CSMD1: variants seen among roughly 807,000 people sequenced by gnomAD.
CSMD1 encodes the protein CUB and sushi domain-containing protein 1.
In CSMD1, 213 loss-of-function variants were observed where a neutral mutation model predicts 417.5. The ratio of observed to expected loss-of-function variants is 0.51; its 90% CI spans 0.46 to 0.57. The LOEUF is 0.57. Ranked by LOEUF, CSMD1 falls within the 20% of genes least tolerant of loss-of-function variation. The probability of loss-of-function intolerance (pLI) is 0.00; values close to 1 mark genes in which losing one functional copy is unlikely to be tolerated. For missense variants in CSMD1, 6,923 were observed against 4,529.7 expected (o/e 1.53, Z -15.17); for synonymous variants, 2,862 against 1,736.8 (o/e 1.65, Z -16.11).
intron 5 of CSMD1, among the ~76,000 whole-genome samples, chr8:3,758,743 G>A (rs555417988): frequency 9.9e-5 from 15 of 152,218 alleles, no homozygotes; most frequent in African/African-American, 2.9e-4. Context: ...CCCAAGCCCC[G>A]AGGTCCTGCT....
chr8:3,762,087 G>C (rs2129056258), intron 5 of CSMD1, among the ~76,000 whole-genome samples: 1 of 152,116 alleles, frequency 6.6e-6, no homozygotes, highest in East Asian at 1.9e-4. Flanking sequence ...AGTCTCCTGA[G>C]CCCTCCCACT....
At chr8:4,458,361 T>C (rs1241186970) in intron 2 of CSMD1, among the ~76,000 whole-genome samples, 1 of 152,162 alleles carries the variant, frequency 6.6e-6, no homozygotes, top group East Asian at 1.9e-4. Context: ...ATCATAATAA[T>C]GAAATTAATT....
At chr8:4,823,832 T>C (rs921734960) in intron 1 of CSMD1, among the ~76,000 whole-genome samples, 4 of 151,574 alleles carry the variant, frequency 2.6e-5, no homozygotes, top group South Asian at 2.1e-4. Flanking sequence ...CTCACAGAGG[T>C]TGAAGATAAA....
chr8:4,806,675 A>G (rs1798605762), intron 1 of CSMD1, among the ~76,000 whole-genome samples: 1 of 152,224 alleles, frequency 6.6e-6, no homozygotes, highest in South Asian at 2.1e-4. Context: ...CATTTGAACC[A>G]TGGTCGCAGT....
rs556938780 is a variant in CSMD1, at chr8:3,731,484, C to A, written c.931+22446G>T. ...CCTTCAATTCAATCCGAAACTTGCC[C>A]AGCCACTGTTGGACAATTCATGGAT... is the stretch of plus-strand genomic sequence containing the variant. On this transcript the variant is annotated intron_variant, in intron 6 of 69. Coordinates refer to ENST00000635120, the MANE Select transcript of CSMD1 (RefSeq NM_033225.6). Among the ~76,000 whole-genome samples, 24 of 152,262 alleles carry A rather than the reference C, an allele frequency of 1.6e-4. No homozygotes were observed. The South Asian group carries it at 5.0e-3, about 32-fold the overall frequency.
At chr8:4,883,400 T>C (rs963206244) in intron 1 of CSMD1, among the ~76,000 whole-genome samples, 41 of 152,096 alleles carry the variant, frequency 2.7e-4, no homozygotes, top group African/African-American at 8.9e-4. Flanking sequence ...TTCAGTATAT[T>C]GAAATGCAAG....
At chr8:2,989,895 T>A (rs567551187) in intron 54 of CSMD1, among the ~76,000 whole-genome samples, 3 of 152,326 alleles carry the variant, frequency 2.0e-5, no homozygotes, top group African/African-American at 7.2e-5. Context: ...GTCGTCTGCA[T>A]AGTTATCTAC....
chr8:3,025,056 G>A (rs1450991501), intron 51 of CSMD1, among the ~76,000 whole-genome samples: 1 of 150,614 alleles, frequency 6.6e-6, no homozygotes, highest in Non-Finnish European at 1.5e-5. Flanking sequence ...GTATTGTGTG[G>A]TGTTATTCTA....
At chr8:3,603,992 T>C (rs572466067) in intron 8 of CSMD1, among the ~76,000 whole-genome samples, 1 of 152,238 alleles carries the variant, frequency 6.6e-6, no homozygotes, top group Non-Finnish European at 1.5e-5. Context: ...TTTTGCATAC[T>C]GAATCAATAT....
chr8:4,336,790 C>T (rs1317812240), intron 3 of CSMD1, among the ~76,000 whole-genome samples: 1 of 151,984 alleles, frequency 6.6e-6, no homozygotes, highest in South Asian at 2.1e-4. Flanking sequence ...AGGGAGATGC[C>T]GCCTGGATGA....
intron 1 of CSMD1, among the ~76,000 whole-genome samples, chr8:4,718,776 G>A (rs1439038558): frequency 1.3e-5 from 2 of 151,812 alleles, no homozygotes; most frequent in African/African-American, 4.8e-5. Flanking sequence ...TCTTTTTAAA[G>A]CAATAGAAAC....
intron 69 of CSMD1, among the ~76,000 whole-genome samples, chr8:2,941,212 G>A (rs1463210700): frequency 6.6e-6 from 1 of 152,142 alleles, no homozygotes; most frequent in Non-Finnish European, 1.5e-5. Context: ...ACTAGCCATA[G>A]GGAACTGAAG....
intron 3 of CSMD1, among the ~76,000 whole-genome samples, chr8:4,393,475 G>C (rs1329842681): frequency 2.0e-5 from 3 of 152,152 alleles, no homozygotes; most frequent in Admixed American, 6.5e-5. Flanking sequence ...ATTATGTTGA[G>C]ATGGCAGCAG....
At chr8:4,426,170 A>T (rs560212527) in intron 2 of CSMD1, among the ~76,000 whole-genome samples, 5 of 151,900 alleles carry the variant, frequency 3.3e-5, no homozygotes, top group Non-Finnish European at 7.4e-5. Context: ...GAGGCTAGGT[A>T]ATCAGGAAAT....
chr8:4,833,040 G>A (rs961143163), intron 1 of CSMD1, among the ~76,000 whole-genome samples: 3 of 152,170 alleles, frequency 2.0e-5, no homozygotes, highest in Non-Finnish European at 4.4e-5. Flanking sequence ...GCTTACATTA[G>A]AACATCTTAT....
intron 6 of CSMD1, among the ~76,000 whole-genome samples, chr8:3,732,743 T>G (rs1796332699): frequency 6.6e-6 from 1 of 152,188 alleles, no homozygotes; most frequent in Admixed American, 6.5e-5. Flanking sequence ...GAGTAACACC[T>G]GATAAACTCA....
At chr8:3,806,523 T>C (rs1800753008) in intron 5 of CSMD1, among the ~76,000 whole-genome samples, 1 of 152,146 alleles carries the variant, frequency 6.6e-6, no homozygotes, top group South Asian at 2.1e-4. Flanking sequence ...CTCTGTGCTT[T>C]GAGGCATATT....
chr8:4,141,904 A>C (rs17069126), intron 3 of CSMD1, among the ~76,000 whole-genome samples: 6,078 of 151,004 alleles, frequency 0.04, 772 homozygotes, highest in African/African-American at 0.14. Flanking sequence ...AAACATGAGA[A>C]CTTCTTAGAG....
intron 1 of CSMD1, among the ~76,000 whole-genome samples, chr8:4,971,491 T>C (rs57723125): frequency 6.6e-6 from 1 of 152,156 alleles, no homozygotes; most frequent in East Asian, 1.9e-4. Flanking sequence ...GCCATAATTA[T>C]TATAAAACTA....
Sources: gnomAD v4.1 joint callset for allele counts (sites outside exome capture counted in the v4.1 genomes callset) on GRCh38, gnomAD v4.1.1 for gene constraint, MANE v1.5 for transcripts, NCBI Gene and HGNC (gene_info 2026-07-23, HGNC 2026-07-21) for gene names.